TNRC6B: variants seen among roughly 807,000 people sequenced by gnomAD.
TNRC6B encodes the protein trinucleotide repeat containing adaptor 6B.
A neutral mutation model predicts 203.6 loss-of-function variants in TNRC6B; 52 were observed. That is an observed-to-expected ratio of 0.26 (90% confidence interval 0.20 to 0.32). The LOEUF (loss-of-function observed/expected upper bound fraction) is 0.32. Among genes scored for constraint, TNRC6B ranks in the 10% least tolerant of loss-of-function variants. The pLI is 1.00. For synonymous variants in TNRC6B, 838 were observed against 845.7 expected, an observed-to-expected ratio of 0.99 and a Z score of 0.16; for missense variants, 1,923 against 2,286.2, an observed-to-expected ratio of 0.84 and a Z score of 3.24.
chr22:40,211,935 C>T (rs967028776), intron 1 of TNRC6B, among the ~76,000 whole-genome samples: 2 of 152,178 alleles, frequency 1.3e-5, no homozygotes, highest in African/African-American at 2.4e-5. Flanking sequence ...TCTTTCCTTT[C>T]GTCTGTCTCT....
chr22:40,126,059 G>C lies in TNRC6B; in HGVS notation c.45+197G>C, dbSNP rs2068490591. 1.3e-5 allele frequency among the ~76,000 whole-genome samples: 2 copies of C among 152,078 alleles called. 1 individual carries two copies. Among genetic ancestry groups the C allele is most frequent in the South Asian group, 4.2e-4 (2 of 4,816 alleles). On this transcript the variant is annotated intron_variant, in intron 3 of 23. Transcript: ENST00000301923. ...TATGCTAATTTAAAACAATTTTACTGAACTACAGAGAACTTTATAATTTAT... is the reference window on the plus strand; with the variant it reads ...TATGCTAATTTAAAACAATTTTACTCAACTACAGAGAACTTTATAATTTAT...
chr22:40,264,726 A>G lies in TNRC6B; in HGVS notation c.496A>G (p.Asn166Asp), dbSNP rs780746701. 4.4e-6 allele frequency: 7 copies of G among 1,605,760 alleles called. No individual in the cohort carries two copies. In the Admixed American group the frequency reaches 6.8e-5, roughly 16 times the overall value. ...LGGAAASNYA[N>D]STWGSGASSN... Reference sequence around the variant, plus strand: ...AGGTGCTGCTGCTTCAAATTATGCAAATTCCACTTGGGGCTCGGGAGCCTC... The same window carrying G: ...AGGTGCTGCTGCTTCAAATTATGCAGATTCCACTTGGGGCTCGGGAGCCTC... Residue 166 changes from asparagine (N) to aspartate (D), a missense_variant, in exon 5 of 23, where the codon AAT becomes GAT. Around this residue, in one of 8 missense-constraint regions of TNRC6B, gnomAD observed 614 missense variants for 587.7 expected, o/e 1.04. Transcript: ENST00000454349.
chr22:40,119,027 A>C (rs1292300238), intron 2 of TNRC6B, among the ~76,000 whole-genome samples: 1 of 152,222 alleles, frequency 6.6e-6, no homozygotes, highest in African/African-American at 2.4e-5. Context: ...AACAAATGGA[A>C]CAGAGACCAG....
intron 1 of TNRC6B, among the ~76,000 whole-genome samples, chr22:40,241,835 G>A (rs577171270): frequency 6.6e-6 from 1 of 152,152 alleles, no homozygotes; most frequent in East Asian, 1.9e-4. Flanking sequence ...ATGAACTTGT[G>A]TTTTCCTATT....
chr22:40,181,713 G>C (rs952316455), intron 1 of TNRC6B, among the ~76,000 whole-genome samples: 2 of 152,160 alleles, frequency 1.3e-5, no homozygotes, highest in Non-Finnish European at 2.9e-5. Flanking sequence ...TCCCAGGCAG[G>C]CTGATTGCTT....
At chr22:40,310,669 T>G (rs987245589) in intron 16 of TNRC6B, 148 bp from the exon 17 acceptor site, 1 of 765,576 alleles carries the variant, frequency 1.3e-6, no homozygotes, top group South Asian at 2.2e-5. Context: ...AATTCTGTGC[T>G]GAGTCTCGAA....
chr22:40,203,693 G>A (rs1185345366), intron 1 of TNRC6B, among the ~76,000 whole-genome samples: 1 of 150,630 alleles, frequency 6.6e-6, no homozygotes, highest in East Asian at 1.9e-4. Flanking sequence ...AGAATCGTGT[G>A]GTGAGGCCTT....
chr22:40,277,728 G>T lies in TNRC6B; in HGVS notation c.3217-271G>T, dbSNP rs548678964. 7.2e-5 allele frequency among the ~76,000 whole-genome samples: 11 copies of T among 152,302 alleles called. No homozygotes were observed. The East Asian group carries it at 1.9e-3, about 27-fold the overall frequency. On this transcript the variant is annotated intron_variant, in intron 8 of 22. Coordinates refer to ENST00000454349, the MANE Select transcript of TNRC6B (RefSeq NM_001162501.2). ...GGCTGACTAGAACTTAAGGACGGGGGTTTATTTCTTCAGGCAGCTGTTTAT... is the reference window on the plus strand; with the variant it reads ...GGCTGACTAGAACTTAAGGACGGGGTTTTATTTCTTCAGGCAGCTGTTTAT...
chr22:40,246,382 G>T, intron 2 of TNRC6B: 1 of 210,202 alleles, frequency 4.8e-6, no homozygotes, highest in South Asian at 6.5e-5. Context: ...TAGAGATGGG[G>T]TTTCTCCATG....
intron 1 of TNRC6B, among the ~76,000 whole-genome samples, chr22:40,210,856 G>T (rs77571061): frequency 5.9e-5 from 9 of 152,252 alleles, no homozygotes; most frequent in Non-Finnish European, 4.4e-5. Context: ...ATTCTTTGTT[G>T]TGGGGGCCAT....
chr22:40,272,830 G>A (rs1374782338), intron 6 of TNRC6B, among the ~76,000 whole-genome samples: 1 of 152,094 alleles, frequency 6.6e-6, no homozygotes, highest in African/African-American at 2.4e-5. Flanking sequence ...TACATTTCAA[G>A]TGTGTAGTTC....
At chr22:40,191,344 G>T (rs2069270729) in intron 1 of TNRC6B, among the ~76,000 whole-genome samples, 2 of 152,186 alleles carry the variant, frequency 1.3e-5, no homozygotes, top group South Asian at 4.1e-4. Context: ...GCTTGGGTCA[G>T]TGTTAGCTAC....
chr22:40,080,851 T>TC (rs200584875), intron 1 of TNRC6B, among the ~76,000 whole-genome samples: 451 of 149,800 alleles, frequency 3.0e-3, no homozygotes, highest in Non-Finnish European at 4.9e-3. Flanking sequence ...TTTTTTTTTT[T>TC]CATGTATAAC....
chr22:40,046,495 A>G (rs1179391143), intron 1 of TNRC6B, among the ~76,000 whole-genome samples: 1 of 152,212 alleles, frequency 6.6e-6, no homozygotes, highest in African/African-American at 2.4e-5. Context: ...GCTTATCCCA[A>G]ACACCATTAT....
intron 12 of TNRC6B, among the ~76,000 whole-genome samples, chr22:40,289,534 C>G (rs1195853296): frequency 6.6e-6 from 1 of 152,104 alleles, no homozygotes; most frequent in Non-Finnish European, 1.5e-5. Flanking sequence ...TGACAGAGTT[C>G]CCCTCCTTTC....
rs1476489267 is a variant in TNRC6B at position 40,323,416 on chromosome 22, C to G, written c.*175C>G. The G allele has an allele frequency of 5.8e-6, 4 of 692,416 alleles. No homozygotes were observed. Among genetic ancestry groups the G allele is most frequent in the Non-Finnish European group, 6.7e-6 (3 of 447,754 alleles). The allele number at this position is 692,416 out of a possible 1,614,324, so 42.9% of individuals were successfully genotyped here. On this transcript the variant is annotated 3_prime_UTR_variant, in exon 23 of 23. Transcript: ENST00000454349. ...ACTGTCTGAGCACATAGTTGCCTCC[C>G]TTATAACTTCAGTTTTTTCGTTTGG...
intron 3 of TNRC6B, among the ~76,000 whole-genome samples, chr22:40,152,355 T>C (rs999631035): frequency 3.9e-5 from 6 of 152,164 alleles, no homozygotes; most frequent in Non-Finnish European, 7.4e-5. Flanking sequence ...TGTGATGGAG[T>C]CTTGCTCTGT....
At chr22:40,099,079 G>A (rs1452041032) in intron 1 of TNRC6B, among the ~76,000 whole-genome samples, 3 of 151,848 alleles carry the variant, frequency 2.0e-5, no homozygotes, top group African/African-American at 4.8e-5. Context: ...GTGAAACCCC[G>A]TCTCTACTAA....
chr22:40,152,581 GC>G lies in TNRC6B; in HGVS notation c.46-3532del, dbSNP rs548056188. Among the ~76,000 whole-genome samples the G allele has an allele frequency of 2.1e-3, 326 of 152,138 alleles. 2 individuals carry two copies. Among genetic ancestry groups the G allele is most frequent in the African/African-American group, 6.7e-3 (280 of 41,520 alleles). ...CTGACCTTGTGATCCGCCCGCCTTG[GC>G]CTCCCAAAATGCTGGGATTACAGGC... On this transcript the variant is annotated intron_variant, in intron 3 of 23. Coordinates refer to the TNRC6B transcript ENST00000301923.
Sources: allele counts gnomAD v4.1 joint callset (sites outside exome capture counted in the v4.1 genomes callset), GRCh38; gene constraint gnomAD v4.1.1; regional missense constraint gnomAD v4.1.1; transcripts MANE v1.5; gene names NCBI Gene and HGNC (gene_info 2026-07-23, HGNC 2026-07-21).